Variants in CYP3A7 observed in about 807,000 individuals in gnomAD.
The protein encoded by CYP3A7 is cytochrome P450 3A7.
A neutral mutation model predicts 55.2 loss-of-function variants in CYP3A7; 45 were observed. That is an observed-to-expected ratio of 0.82 (90% CI 0.64 to 1.05). The LOEUF is 1.05. Ranked by LOEUF, CYP3A7 falls within the 50% of genes least tolerant of loss-of-function variation. The pLI is 0.00. For missense variants in CYP3A7, 548 were observed against 605.3 expected (o/e 0.91, Z 0.99); for synonymous variants, 180 against 207.4 (o/e 0.87, Z 1.13).
chr7:99,718,507 A>C (rs10266141), intron 4 of CYP3A7, among the ~76,000 whole-genome samples: 3,535 of 152,284 alleles, frequency 0.023, 141 homozygotes, highest in African/African-American at 0.08. Context: ...TTATGTTAAA[A>C]ATTCAGCAAA....
At chr7:99,728,565 C>A (rs1395977114) in intron 2 of CYP3A7, among the ~76,000 whole-genome samples, 4 of 152,196 alleles carry the variant, frequency 2.6e-5, no homozygotes, top group Non-Finnish European at 5.9e-5. Flanking sequence ...TTGCCTCACA[C>A]AAGGCCTCTG....
intron 9 of CYP3A7, among the ~76,000 whole-genome samples, chr7:99,712,024 C>T (rs1813766594): frequency 6.6e-6 from 1 of 152,112 alleles, no homozygotes; most frequent in Non-Finnish European, 1.5e-5. Flanking sequence ...TGATTGATTG[C>T]AGTCTGATGA....
intron 4 of CYP3A7, among the ~76,000 whole-genome samples, chr7:99,719,474 C>G (rs143872933): frequency 1.7e-3 from 260 of 152,072 alleles, no homozygotes; most frequent in African/African-American, 6.0e-3. Context: ...AAAAATAACA[C>G]AAAATAGATA....
intron 7 of CYP3A7, chr7:99,715,346 C>T (rs1190358511): frequency 4.2e-5 from 10 of 236,094 alleles, no homozygotes; most frequent in Admixed American, 3.1e-4. Context: ...ATTCATGCCA[C>T]AACACAGTAA....
rs1187087234 is a variant in CYP3A7, at chr7:99,710,870, C to T, written c.888G>A (p.Met296Ile). 1.9e-6 allele frequency: 3 copies of T among 1,613,724 alleles called. No individual in the cohort carries two copies. The highest frequency in any genetic ancestry group is 1.3e-5 in the African/African-American group (1 of 75,006). Residue 296 changes from methionine (M) to isoleucine (I), a missense_variant, in exon 10 of 13, where the codon ATG becomes ATA. Transcript: ENST00000336374. ...THKALSDLEL[M>I]AQSIIFIFAG... Reference sequence around the variant, plus strand: ...CAAAAATAAAGATAATTGATTGGGCCATGAGCTCCAGATCAGACAGAGCTG... The same window carrying T: ...CAAAAATAAAGATAATTGATTGGGCTATGAGCTCCAGATCAGACAGAGCTG...
chr7:99,713,058 G>A (rs1813814853), intron 9 of CYP3A7, among the ~76,000 whole-genome samples: 1 of 152,214 alleles, frequency 6.6e-6, no homozygotes. Flanking sequence ...TTAGGTGTTA[G>A]ATGCATTAAG....
intron 2 of CYP3A7, among the ~76,000 whole-genome samples, chr7:99,723,133 A>G (rs1393278001): frequency 1.3e-5 from 2 of 152,162 alleles, no homozygotes; most frequent in South Asian, 4.1e-4. Flanking sequence ...AAGATTTGAC[A>G]TGGGAAAGTG....
intron 4 of CYP3A7, 67 bp downstream of exon 4, chr7:99,720,246 A>G: frequency 1.3e-6 from 2 of 1,577,918 alleles, no homozygotes; most frequent in Non-Finnish European, 1.7e-6. Context: ...CTATGAATAT[A>G]TAAGAATTTT....
chr7:99,718,057 T>A (rs933130714), intron 4 of CYP3A7, among the ~76,000 whole-genome samples: 1 of 151,354 alleles, frequency 6.6e-6, no homozygotes, highest in African/African-American at 2.4e-5. Context: ...GTGGTAGATT[T>A]AAAAAAATAT....
chr7:99,713,437 A>G (rs367858678), intron 9 of CYP3A7, 32 bp downstream of exon 9: 1 of 1,612,494 alleles, frequency 6.2e-7, no homozygotes, highest in Non-Finnish European at 8.5e-7. Flanking sequence ...TGAGTGCCCC[A>G]CCAGTAGCCC....
chr7:99,705,319 G>T lies in CYP3A7; in HGVS notation c.*181C>A. Reference sequence around the variant, plus strand: ...TTGGTCATCTCCTCTATATTACCAAGTATAACACTCTATACAGACCATGAG... The same window carrying T: ...TTGGTCATCTCCTCTATATTACCAATTATAACACTCTATACAGACCATGAG... On this transcript the variant is annotated 3_prime_UTR_variant, in exon 13 of 13. Coordinates refer to ENST00000336374, the MANE Select transcript of CYP3A7 (RefSeq NM_000765.5). 1.5e-6 allele frequency: 1 copy of T among 675,844 alleles called. No individual in the cohort carries two copies. Among genetic ancestry groups the T allele is most frequent in the Non-Finnish European group, 2.4e-6 (1 of 413,350 alleles). The allele number at this position is 675,844 out of a possible 1,614,324, so 41.9% of individuals were successfully genotyped here. A position where few individuals can be genotyped will look rare whatever the true frequency, so the allele number is the denominator to read the frequency against.
chr7:99,712,204 T>C (rs1419852485), intron 9 of CYP3A7, among the ~76,000 whole-genome samples: 1 of 152,154 alleles, frequency 6.6e-6, no homozygotes. Flanking sequence ...TCCAACCATG[T>C]AACTCACCAC....
intron 2 of CYP3A7, 27 bp from the exon 3 acceptor site, chr7:99,722,375 C>T (rs1207817573): frequency 1.9e-6 from 3 of 1,610,834 alleles, no homozygotes; most frequent in Admixed American, 3.3e-5. Flanking sequence ...AATAATATTT[C>T]ATTATTATTT....
At chr7:99,717,373 T>C (rs1813999916) in intron 5 of CYP3A7, 108 bp from the exon 6 acceptor site, 1 of 1,600,820 alleles carries the variant, frequency 6.2e-7, no homozygotes, top group African/African-American at 1.3e-5. Context: ...ATAATGAATT[T>C]TATGATGTGT....
At chr7:99,725,447 C>T (rs1396908377) in intron 2 of CYP3A7, among the ~76,000 whole-genome samples, 1 of 152,190 alleles carries the variant, frequency 6.6e-6, no homozygotes, top group East Asian at 1.9e-4. Flanking sequence ...TGTAAGACAA[C>T]CCAAGACCAT....
chr7:99,731,995 T>A (rs1378433913), intron 1 of CYP3A7, among the ~76,000 whole-genome samples: 1 of 152,214 alleles, frequency 6.6e-6, no homozygotes, highest in Non-Finnish European at 1.5e-5. Flanking sequence ...GATATCCACC[T>A]GATAAGCACA....
At chr7:99,721,935 A>G (rs1192610645) in intron 3 of CYP3A7, among the ~76,000 whole-genome samples, 3 of 152,236 alleles carry the variant, frequency 2.0e-5, no homozygotes, top group Admixed American at 2.0e-4. Context: ...TATTTCTGCA[A>G]GGACACCTGC....
At chr7:99,719,860 TG>T (rs1404013242) in intron 4 of CYP3A7, among the ~76,000 whole-genome samples, 2 of 152,022 alleles carry the variant, frequency 1.3e-5, no homozygotes, top group African/African-American at 4.8e-5. Flanking sequence ...TAGTAGGGCG[TG>T]GTGGTGCAAC....
intron 2 of CYP3A7, among the ~76,000 whole-genome samples, chr7:99,729,031 T>C (rs943426345): frequency 5.3e-5 from 8 of 152,144 alleles, no homozygotes; most frequent in Admixed American, 3.3e-4. Context: ...TCTGGCCTGG[T>C]ATATGACAAT....
Sources: gnomAD v4.1 joint callset for allele counts (sites outside exome capture counted in the v4.1 genomes callset) on GRCh38, gnomAD v4.1.1 for gene constraint, MANE v1.5 for transcripts, NCBI Gene and HGNC (gene_info 2026-07-23, HGNC 2026-07-21) for gene names.